The following NRCAM variants were observed in gnomAD, a reference collection of about 807,000 sequenced individuals.
The protein encoded by NRCAM is NgCAM-related cell adhesion molecule.
NRCAM carries 83 observed loss-of-function variants against 156.5 expected under a neutral mutation model. The observed-to-expected ratio is 0.53, with a 90% CI of 0.44 to 0.64. NRCAM has a LOEUF of 0.64. NRCAM is among the 30% of genes least tolerant of loss of function. The pLI is 0.00. For missense variants in NRCAM, 1,417 were observed against 1,597.3 expected (o/e 0.89, Z 1.92); for synonymous variants, 538 against 563.9 (o/e 0.95, Z 0.65).
intron 3 of NRCAM, among the ~76,000 whole-genome samples, chr7:108,264,568 C>T (rs1302295634): frequency 6.6e-6 from 1 of 152,210 alleles, no homozygotes; most frequent in Non-Finnish European, 1.5e-5. Flanking sequence ...CTTCATGCTT[C>T]ATACCAGTTG....
Position 108,425,054 on chromosome 7 carries a change from TAA to T in NRCAM, c.-331-25463_-331-25462del, listed in dbSNP as rs550629039. ...AGTGCCTTAGGACATTAGAGTTCAG[TAA>T]AGTCTTCCCCCAACCCCTCGATTTC... is the stretch of plus-strand genomic sequence containing the variant. On this transcript the variant is annotated intron_variant, in intron 1 of 32. Coordinates refer to ENST00000379028, the MANE Select transcript of NRCAM (RefSeq NM_001037132.4). 8.4e-4 allele frequency among the ~76,000 whole-genome samples: 128 copies of T among 152,280 alleles called. 2 individuals are homozygous for T. The highest frequency in any genetic ancestry group is 3.0e-3 in the African/African-American group (124 of 41,572).
rs186122208 is a variant in NRCAM, at chr7:108,341,099, T to C, written c.-173-28368A>G. On this transcript the variant is annotated intron_variant, in intron 2 of 32. Coordinates refer to ENST00000379028, the MANE Select transcript of NRCAM (RefSeq NM_001037132.4). ...GGTCTACAAGGACACTTTAAAAAGA[T>C]TGTCCAAATACAAATAAGCCACCCC... 1.5e-3 allele frequency among the ~76,000 whole-genome samples: 222 copies of C among 152,276 alleles called. No individual in the cohort carries two copies. In the Middle Eastern group the frequency reaches 0.02, roughly 14 times the overall value.
chr7:108,190,736 T>G (rs919778810), intron 19 of NRCAM, among the ~76,000 whole-genome samples: 10 of 152,196 alleles, frequency 6.6e-5, no homozygotes, highest in African/African-American at 2.4e-4. Flanking sequence ...TTGAGTGATT[T>G]GTCTTTTGTT....
At chr7:108,442,439 A>T (rs1839696478) in intron 1 of NRCAM, among the ~76,000 whole-genome samples, 1 of 152,236 alleles carries the variant, frequency 6.6e-6, no homozygotes, top group Non-Finnish European at 1.5e-5. Context: ...AGGTGCAGGT[A>T]GCCACAACAC....
In NRCAM at chr7:108,184,410, G is replaced by T. The variant is rs768938203; in HGVS notation, c.2233+7C>A. On this transcript the variant is annotated splice_region_variant and intron_variant, in intron 21 of 32. Coordinates refer to ENST00000379028, the MANE Select transcript of NRCAM (RefSeq NM_001037132.4). ...CGTACCCTAGAAGTCCCGCTTTCCC[G>T]CTTTACCTGAGGCTTTCGTCAAATA... 9 of 1,613,912 alleles carry T rather than the reference G, an allele frequency of 5.6e-6. No individual in the cohort carries two copies. The Admixed American group carries it at 1.0e-4, about 18-fold the overall frequency.
At chr7:108,204,091 C>T (rs773163356) in intron 13 of NRCAM, among the ~76,000 whole-genome samples, 2 of 152,188 alleles carry the variant, frequency 1.3e-5, no homozygotes, top group Non-Finnish European at 2.9e-5. Flanking sequence ...AGCACTGGTG[C>T]TCCGTTTCCA....
intron 13 of NRCAM, among the ~76,000 whole-genome samples, chr7:108,204,874 G>A (rs1246084519): frequency 6.6e-6 from 1 of 152,148 alleles, no homozygotes; most frequent in East Asian, 1.9e-4. Context: ...GGTTACAAGA[G>A]GAACTACTCT....
At chr7:108,423,536 T>C (rs1294539516) in intron 1 of NRCAM, among the ~76,000 whole-genome samples, 1 of 152,172 alleles carries the variant, frequency 6.6e-6, no homozygotes, top group Non-Finnish European at 1.5e-5. Context: ...AAAGAGAACT[T>C]CAGCAGTGGG....
intron 1 of NRCAM, among the ~76,000 whole-genome samples, chr7:108,405,002 C>T (rs1424127617): frequency 6.6e-6 from 1 of 152,118 alleles, no homozygotes; most frequent in Non-Finnish European, 1.5e-5. Context: ...TGATTTTTTC[C>T]TCGTCCCCTC....
At chr7:108,321,348 G>C (rs1305197037) in intron 2 of NRCAM, among the ~76,000 whole-genome samples, 1 of 152,216 alleles carries the variant, frequency 6.6e-6, no homozygotes. Context: ...GGCTGTACAG[G>C]AAGCTTACAA....
chr7:108,229,247 A>G (rs1012409830), intron 8 of NRCAM, among the ~76,000 whole-genome samples: 2 of 152,172 alleles, frequency 1.3e-5, no homozygotes, highest in Non-Finnish European at 2.9e-5. Context: ...TGTGTCTTTC[A>G]AAAATATTTT....
intron 1 of NRCAM, among the ~76,000 whole-genome samples, chr7:108,405,922 C>A (rs950913770): frequency 2.6e-5 from 4 of 151,508 alleles, no homozygotes; most frequent in African/African-American, 4.9e-5. Context: ...AGTTCAAGAC[C>A]AGCCTGGGCA....
chr7:108,351,814 T>C (rs1237063669), intron 2 of NRCAM, among the ~76,000 whole-genome samples: 1 of 151,570 alleles, frequency 6.6e-6, no homozygotes, highest in African/African-American at 2.4e-5. Context: ...CATGATGAAA[T>C]ACACATTTAA....
chr7:108,159,728 T>A (rs57315620), intron 31 of NRCAM, among the ~76,000 whole-genome samples, 187 bp from the exon 32 acceptor site: 8 of 152,310 alleles, frequency 5.3e-5, no homozygotes, highest in African/African-American at 1.9e-4. Flanking sequence ...GGCAACCCAA[T>A]AGAATGTACA....
chr7:108,235,481 G>A (rs917857371), intron 5 of NRCAM, among the ~76,000 whole-genome samples: 1 of 152,170 alleles, frequency 6.6e-6, no homozygotes, highest in East Asian at 1.9e-4. Flanking sequence ...ATGACAGGAA[G>A]TGACTAAAGA....
intron 6 of NRCAM, among the ~76,000 whole-genome samples, chr7:108,234,014 G>A (rs1286144690): frequency 3.3e-5 from 5 of 152,104 alleles, no homozygotes; most frequent in Non-Finnish European, 4.4e-5. Flanking sequence ...AGATCCAAAT[G>A]GCATGAATTC....
Position 108,195,569 on chromosome 7 carries a change from T to G in NRCAM, c.1463+192A>C, listed in dbSNP as rs1347373796. 2.6e-5 allele frequency among the ~76,000 whole-genome samples: 4 copies of G among 152,070 alleles called. No homozygotes were observed. The East Asian group carries it at 7.7e-4, about 29-fold the overall frequency. ...AGGCAGAGGCTGCAGTGAGCTGTGA[T>G]TGTGCCACTGCACTCCAGCCTGGGT... On this transcript the variant is annotated intron_variant, in intron 15 of 32. Transcript: ENST00000379028.
chr7:108,262,737 T>C (rs2096931843), intron 3 of NRCAM, among the ~76,000 whole-genome samples: 1 of 152,190 alleles, frequency 6.6e-6, no homozygotes. Flanking sequence ...TCCATCTCCT[T>C]TGGAAAACAA....
At chr7:108,292,531 T>TA (rs1310570503) in intron 3 of NRCAM, among the ~76,000 whole-genome samples, 1 of 152,146 alleles carries the variant, frequency 6.6e-6, no homozygotes, top group Admixed American at 6.6e-5. Context: ...CAGAGTTAAG[T>TA]AAAAAATCAT....
Sources: allele counts gnomAD v4.1 joint callset (sites outside exome capture counted in the v4.1 genomes callset), GRCh38; gene constraint gnomAD v4.1.1; transcripts MANE v1.5; gene names NCBI Gene and HGNC (gene_info 2026-07-23, HGNC 2026-07-21).